Variants in NUP155 observed in about 807,000 individuals in gnomAD.
The protein encoded by NUP155 is nucleoporin 155.
In NUP155, 71 loss-of-function variants were observed where a neutral mutation model predicts 180.4. The observed-to-expected ratio is 0.39, with a 90% CI of 0.33 to 0.48. The LOEUF (loss-of-function observed/expected upper bound fraction) is 0.48, where lower values mean the gene tolerates loss of function less well. Ranked by LOEUF, NUP155 falls within the 20% of genes least tolerant of loss-of-function variation. The pLI is 0.91. For synonymous variants in NUP155, 582 were observed against 559.5 expected (o/e 1.04, Z -0.57); for missense variants, 1,553 against 1,648.9 (o/e 0.94, Z 1.01).
intron 27 of NUP155, 82 bp from the exon 28 acceptor site, chr5:37,303,496 A>G (rs2150943122): frequency 6.0e-6 from 7 of 1,163,422 alleles, no homozygotes; most frequent in Non-Finnish European, 8.8e-6. Context: ...AGTATTTTTA[A>G]GTCAACTACA....
chr5:37,337,081 G>A (rs1745378759), intron 12 of NUP155, among the ~76,000 whole-genome samples: 1 of 152,118 alleles, frequency 6.6e-6, no homozygotes, highest in South Asian at 2.1e-4. Flanking sequence ...GGACACCAAG[G>A]GGATGGAGAC....
intron 4 of NUP155, among the ~76,000 whole-genome samples, chr5:37,354,846 C>A (rs1412289033): frequency 6.6e-6 from 1 of 152,162 alleles, no homozygotes; most frequent in African/African-American, 2.4e-5. Flanking sequence ...AATCTCAGCA[C>A]TTTGAGAGGC....
intron 32 of NUP155, 131 bp from the exon 33 acceptor site, chr5:37,294,596 G>A (rs1742421338): frequency 2.4e-6 from 2 of 850,652 alleles, no homozygotes; most frequent in Non-Finnish European, 1.9e-6. Flanking sequence ...TGGGGCGGGG[G>A]GTTTTTTTTG....
chr5:37,344,496 TAA>T (rs1211738861), intron 9 of NUP155, among the ~76,000 whole-genome samples: 2 of 125,794 alleles, frequency 1.6e-5, no homozygotes, highest in Non-Finnish European at 1.7e-5. Context: ...GTCAATATTA[TAA>T]AAAAAAAAAA....
Position 37,322,926 on chromosome 5 carries a change from TTG to T in NUP155, c.2207+1064_2207+1065del, listed in dbSNP as rs1744341876. 5.4e-5 allele frequency among the ~76,000 whole-genome samples: 8 copies of T among 148,642 alleles called. 1 individual carries two copies. The highest frequency in any genetic ancestry group is 3.3e-4 in the Admixed American group (5 of 14,942). On this transcript the variant is annotated intron_variant, in intron 20 of 34. Coordinates refer to ENST00000231498, the MANE Select transcript of NUP155 (RefSeq NM_153485.3). ...AGGTGGAGGTTGCAGTGAGCCGAGA[TTG>T]CACCATTGCACTCCAGCCTGGGCGA...
intron 14 of NUP155, among the ~76,000 whole-genome samples, chr5:37,331,246 AG>A (rs1360360874): frequency 6.6e-6 from 1 of 152,124 alleles, no homozygotes; most frequent in African/African-American, 2.4e-5. Flanking sequence ...GTTCACATAC[AG>A]TGACTTAGGC....
At chr5:37,364,952 G>C (rs1366770337) in intron 1 of NUP155, among the ~76,000 whole-genome samples, 1 of 151,004 alleles carries the variant, frequency 6.6e-6, no homozygotes, top group African/African-American at 2.4e-5. Context: ...GTTTAAATTT[G>C]ATAATTTAGT....
rs1225447300 is a variant in NUP155 at position 37,289,892 on chromosome 5, A to G, written c.*2008T>C. Reference sequence around the variant, plus strand: ...TAAAACGAATTAATGTATCGCATACATTCACTTTACATATTCAAAAAACGC... The same window carrying G: ...TAAAACGAATTAATGTATCGCATACGTTCACTTTACATATTCAAAAAACGC... On this transcript the variant is annotated 3_prime_UTR_variant, in exon 35 of 35. Transcript: ENST00000231498. 1 of 152,226 alleles carries G rather than the reference A, an allele frequency of 6.6e-6. No homozygotes were observed. The highest frequency in any genetic ancestry group is 2.4e-5 in the African/African-American group (1 of 41,462). 9.4% of individuals were successfully genotyped at this position (152,226 alleles called of 1,614,324 possible). A position where few individuals can be genotyped will look rare whatever the true frequency, so the allele number is the denominator to read the frequency against.
In NUP155 at chr5:37,363,899, G is replaced by C. The variant is rs147213559; in HGVS notation, c.381C>G (p.Asn127Lys). The C allele has an allele frequency of 6.2e-7, 1 of 1,610,676 alleles. No homozygotes were observed. The highest frequency in any genetic ancestry group is 1.7e-5 in the Admixed American group (1 of 59,996). The part of the protein sequence containing the change: ...LTIDSDIFMW[N>K]YEDGGDLAYF... The stretch of plus-strand genomic sequence containing the variant: ...CCTTAAATACATACCCATCCTCATA[G>C]TTCCACATGAATATATCACTGTCAA... The change falls in exon 3 of 35, where the codon AAC (asparagine) becomes AAG (lysine). Residue 127 changes from asparagine (N) to lysine (K), a missense_variant. Asn to Lys is a moderately conservative substitution (Grantham distance 94). Transcript: ENST00000231498.
Position 37,298,756 on chromosome 5 carries a change from C to T in NUP155, c.3793+112G>A, listed in dbSNP as rs1195015679. 13 of 717,372 alleles carry T rather than the reference C, an allele frequency of 1.8e-5. No homozygotes were observed. In the East Asian group the frequency reaches 2.7e-4, roughly 15 times the overall value. The allele number at this position is 717,372 out of a possible 1,614,324, so 44.4% of individuals were successfully genotyped here. A position where few individuals can be genotyped will look rare whatever the true frequency, so the allele number is the denominator to read the frequency against. On this transcript the variant is annotated intron_variant, in intron 32 of 34. Transcript: ENST00000231498. ...GGAGAGGCAGAATTAAAGTGCTGAA[C>T]TAAATAGCAAAGAAACTCTTTATTT...
At chr5:37,295,059 TGTCCCTCTCCCC>T (rs1301638824) in intron 32 of NUP155, among the ~76,000 whole-genome samples, 8 of 152,204 alleles carry the variant, frequency 5.3e-5, no homozygotes, top group African/African-American at 1.7e-4. Flanking sequence ...TCCCTCTCCC[TGTCCCTCTCCCC>T]TCTTTCCAAG....
intron 24 of NUP155, among the ~76,000 whole-genome samples, chr5:37,308,541 C>CA (rs1743313138): frequency 6.6e-6 from 1 of 151,540 alleles, no homozygotes; most frequent in African/African-American, 2.4e-5. Context: ...ACTAAAAATA[C>CA]AAAAAAATTA....
chr5:37,329,944 A>G (rs140986433), intron 15 of NUP155, 94 bp downstream of exon 15: 60 of 879,458 alleles, frequency 6.8e-5, no homozygotes, highest in African/African-American at 2.3e-4. Flanking sequence ...TAGTCACTCA[A>G]CTGTTTGGCA....
In NUP155 at chr5:37,341,181, C is replaced by G; in HGVS notation, c.1155G>C (p.Leu385=). ...GAGGTAAGCGGACATGAACCAGCGT[C>G]AGTGTATTAGGCCGTGCTAATGGCT... The part of the protein sequence containing the change: ...FRQPLARPNT[L]TLVHVRLPPG... The change falls in exon 11 of 35, where the codon CTG becomes CTC. Residue 385 remains leucine, a synonymous_variant. Transcript: ENST00000231498. The G allele has an allele frequency of 6.2e-7, 1 of 1,613,970 alleles. No individual in the cohort carries two copies.
At position 37,295,564 on chromosome 5, in the gene NUP155, G is replaced by A. The variant is rs1157014297; in HGVS notation, c.3794-1099C>T. On this transcript the variant is annotated intron_variant, in intron 32 of 34. Coordinates refer to ENST00000231498, the MANE Select transcript of NUP155 (RefSeq NM_153485.3). ...GGCTGCCCAGTCTGGAAAGTGAGGA[G>A]CATCTCTGCCCAGCCGCCATCCCAT... 5.4e-5 allele frequency among the ~76,000 whole-genome samples: 8 copies of A among 148,712 alleles called. 1 individual carries two copies. Among genetic ancestry groups the A allele is most frequent in the African/African-American group, 2.0e-4 (8 of 40,534 alleles).
Position 37,288,769 on chromosome 5 carries a change from GTA to G in NUP155, c.*3129_*3130del, listed in dbSNP as rs1742120418. ...AATTAAAAAAAAAAAAAAAAAAAAA[GTA>G]GGGGGGGTGGGGCTAGGCGCAGTGG... is the stretch of plus-strand genomic sequence containing the variant. On this transcript the variant is annotated 3_prime_UTR_variant, in exon 35 of 35. Coordinates refer to ENST00000231498, the MANE Select transcript of NUP155 (RefSeq NM_153485.3). 2 of 59,664 alleles carry G rather than the reference GTA, an allele frequency of 3.4e-5. No homozygotes were observed. The highest frequency in any genetic ancestry group is 6.3e-5 in the Non-Finnish European group (2 of 31,868). 3.7% of individuals were successfully genotyped at this position (59,664 alleles called of 1,614,324 possible). A position where few individuals can be genotyped will look rare whatever the true frequency, so the allele number is the denominator to read the frequency against.
intron 32 of NUP155, among the ~76,000 whole-genome samples, chr5:37,296,234 AG>A (rs1204252337): frequency 3.3e-5 from 5 of 152,196 alleles, no homozygotes; most frequent in African/African-American, 9.6e-5. Flanking sequence ...TGGAATAGAA[AG>A]GGGGGAAAGG....
intron 4 of NUP155, among the ~76,000 whole-genome samples, chr5:37,356,124 G>C (rs994484684): frequency 1.3e-5 from 2 of 151,484 alleles, no homozygotes; most frequent in Non-Finnish European, 2.9e-5. Context: ...AGCTACTTGG[G>C]AGGCTGAGGC....
chr5:37,343,045 G>A (rs1037008094), intron 9 of NUP155, among the ~76,000 whole-genome samples: 1 of 151,592 alleles, frequency 6.6e-6, no homozygotes, highest in East Asian at 2.0e-4. Flanking sequence ...CACTGTGCCC[G>A]ACCACATATT....
Sources: allele counts gnomAD v4.1 joint callset (sites outside exome capture counted in the v4.1 genomes callset), GRCh38; gene constraint gnomAD v4.1.1; transcripts MANE v1.5; gene names NCBI Gene and HGNC (gene_info 2026-07-23, HGNC 2026-07-21).